The following WDPCP variants were observed in gnomAD, a reference collection of about 807,000 sequenced individuals.
The protein encoded by WDPCP is WD repeat-containing and planar cell polarity effector protein fritz homolog.
In WDPCP, 71 loss-of-function variants were observed where a neutral mutation model predicts 93.1. The ratio of observed to expected loss-of-function variants is 0.76; its 90% CI spans 0.63 to 0.93. WDPCP has a LOEUF of 0.93. WDPCP is among the 40% of genes least tolerant of loss of function. The pLI is 0.00. For synonymous variants in WDPCP, 315 were observed against 315.0 expected (o/e 1.00, Z 0.00); for missense variants, 844 against 887.4 (o/e 0.95, Z 0.62).
intron 2 of WDPCP, among the ~76,000 whole-genome samples, chr2:63,688,038 C>G (rs895233468): frequency 1.3e-5 from 2 of 152,204 alleles, no homozygotes; most frequent in South Asian, 4.1e-4. Flanking sequence ...TTTGCAACAA[C>G]ATGGATGGAA....
chr2:63,476,741 C>T (rs535455532), intron 6 of WDPCP, among the ~76,000 whole-genome samples: 12 of 152,224 alleles, frequency 7.9e-5, no homozygotes, highest in Middle Eastern at 6.8e-3. Context: ...AACTTGAAAA[C>T]ATGGTATGTC....
intron 10 of WDPCP, among the ~76,000 whole-genome samples, chr2:63,402,898 T>C (rs1299365135): frequency 6.6e-6 from 1 of 152,196 alleles, no homozygotes; most frequent in Non-Finnish European, 1.5e-5. Context: ...AAAGCAAAAC[T>C]ACTATTTGAC....
intron 14 of WDPCP, among the ~76,000 whole-genome samples, chr2:63,241,703 A>G (rs553722142): frequency 1.3e-5 from 2 of 152,202 alleles, no homozygotes; most frequent in South Asian, 4.1e-4. Context: ...GGCTCAAATG[A>G]TGTTCTATCT....
chr2:63,233,298 C>T, intron 14 of WDPCP: 1 of 249,914 alleles, frequency 4.0e-6, no homozygotes, highest in Non-Finnish European at 7.7e-6. Context: ...TTTCTGTATA[C>T]TATTAAAAAA....
At chr2:63,692,751 T>A (rs535906597) in intron 2 of WDPCP, among the ~76,000 whole-genome samples, 206 of 152,320 alleles carry the variant, frequency 1.4e-3, no homozygotes, top group Middle Eastern at 0.01. Context: ...AATAAATATA[T>A]ACATAATGGC....
chr2:63,523,530 G>T (rs1703093507), intron 1 of WDPCP, among the ~76,000 whole-genome samples: 1 of 152,186 alleles, frequency 6.6e-6, no homozygotes, highest in Non-Finnish European at 1.5e-5. Context: ...GTTGGCAGAT[G>T]ATATGATTCT....
chr2:63,605,295 G>C, intron 3 of WDPCP: 2 of 1,610,068 alleles, frequency 1.2e-6, no homozygotes, highest in Non-Finnish European at 1.7e-6. Flanking sequence ...GCAGCAGCGT[G>C]GCGCTGCTGT....
intron 2 of WDPCP, among the ~76,000 whole-genome samples, chr2:63,708,902 G>A (rs946861751): frequency 1.3e-5 from 2 of 151,034 alleles, no homozygotes; most frequent in Non-Finnish European, 3.0e-5. Flanking sequence ...GAGCCACCTC[G>A]CCTGGCCAAT....
chr2:63,637,776 A>G (rs999470009), intron 3 of WDPCP, among the ~76,000 whole-genome samples: 1 of 152,212 alleles, frequency 6.6e-6, no homozygotes, highest in Non-Finnish European at 1.5e-5. Flanking sequence ...AAAAAATATC[A>G]AAAGATACCA....
At chr2:63,530,088 C>G (rs971702320) in intron 1 of WDPCP, among the ~76,000 whole-genome samples, 20 of 152,220 alleles carry the variant, frequency 1.3e-4, no homozygotes, top group African/African-American at 4.8e-4. Context: ...ATTTTTCTCT[C>G]TTTTCTTCTT....
chr2:63,265,683 C>G lies in WDPCP; in HGVS notation c.1813-6274G>C, dbSNP rs145048777. ...CTGTGAGGCCAGCATTACCCTGATA[C>G]CAAAGCCAGACAAAGACATTACAAT... On this transcript the variant is annotated intron_variant, in intron 13 of 17. Coordinates refer to ENST00000272321, the MANE Select transcript of WDPCP (RefSeq NM_015910.7). 4.2e-3 allele frequency among the ~76,000 whole-genome samples: 638 copies of G among 152,274 alleles called. 2 individuals are homozygous for G. Among genetic ancestry groups the G allele is most frequent in the Non-Finnish European group, 5.6e-3 (382 of 68,026 alleles).
At chr2:63,348,632 T>C (rs1453026519) in intron 12 of WDPCP, among the ~76,000 whole-genome samples, 2 of 152,144 alleles carry the variant, frequency 1.3e-5, no homozygotes, top group Non-Finnish European at 2.9e-5. Context: ...GTATTGATGA[T>C]ATAATGTTGC....
chr2:63,167,432 A>G (rs1178919621), intron 15 of WDPCP, among the ~76,000 whole-genome samples: 2 of 151,692 alleles, frequency 1.3e-5, no homozygotes, highest in African/African-American at 4.8e-5. Flanking sequence ...TCCTCTGATT[A>G]TTACTTAAAT....
At chr2:63,628,932 A>G (rs1709838355) in intron 3 of WDPCP, among the ~76,000 whole-genome samples, 1 of 152,224 alleles carries the variant, frequency 6.6e-6, no homozygotes, top group Admixed American at 6.5e-5. Flanking sequence ...CTTGGACTCA[A>G]CAATGAGTTT....
At chr2:63,733,251 C>A (rs1669587902) in intron 2 of WDPCP, among the ~76,000 whole-genome samples, 1 of 130,832 alleles carries the variant, frequency 7.6e-6, no homozygotes, top group South Asian at 2.4e-4. Flanking sequence ...GGACTGCGGA[C>A]TGCAGTGGCG....
intron 17 of WDPCP, among the ~76,000 whole-genome samples, chr2:63,144,529 G>C (rs1185884236): frequency 6.6e-6 from 1 of 152,172 alleles, no homozygotes; most frequent in African/African-American, 2.4e-5. Context: ...ACTGGGATTA[G>C]AGGGGTGAGC....
At chr2:63,246,290 G>T (rs974752935) in intron 14 of WDPCP, among the ~76,000 whole-genome samples, 4 of 152,076 alleles carry the variant, frequency 2.6e-5, no homozygotes, top group Non-Finnish European at 5.9e-5. Flanking sequence ...TTTCCTGGTC[G>T]GTTTCATAAA....
At chr2:63,815,427 A>G (rs1670919442) in intron 1 of WDPCP, among the ~76,000 whole-genome samples, 1 of 152,260 alleles carries the variant, frequency 6.6e-6, no homozygotes, top group South Asian at 2.1e-4. Context: ...TTACTCTACT[A>G]CGAAATAAGA....
At chr2:63,354,450 C>A (rs1274163948) in intron 12 of WDPCP, among the ~76,000 whole-genome samples, 2 of 152,126 alleles carry the variant, frequency 1.3e-5, no homozygotes, top group Non-Finnish European at 2.9e-5. Flanking sequence ...ACAGCCAGCA[C>A]TCAAGGGGGA....
Sources: gnomAD v4.1 joint callset for allele counts (sites outside exome capture counted in the v4.1 genomes callset) on GRCh38, gnomAD v4.1.1 for gene constraint, MANE v1.5 for transcripts, NCBI Gene and HGNC (gene_info 2026-07-23, HGNC 2026-07-21) for gene names.